GGA3: variants seen among roughly 807,000 people sequenced by gnomAD.
The protein encoded by GGA3 is golgi associated, gamma adaptin ear containing, ARF binding protein 3.
Under a neutral mutation model 77.5 loss-of-function variants are expected in GGA3, and 57 were observed. The ratio of observed to expected loss-of-function variants is 0.74; its 90% CI spans 0.59 to 0.92. The LOEUF is 0.92. Among genes scored for constraint, GGA3 ranks in the 40% least tolerant of loss-of-function variants. GGA3 has a pLI of 0.00. For missense variants in GGA3, 970 were observed against 914.9 expected (o/e 1.06, Z -0.78); for synonymous variants, 416 against 383.7 (o/e 1.08, Z -0.98).
At chr17:75,239,692 G>A in intron 13 of GGA3, 97 bp downstream of exon 13, 13 of 1,454,338 alleles carry the variant, frequency 8.9e-6, no homozygotes, top group African/African-American at 1.4e-5. Context: ...CCTGACTGAT[G>A]GGACTACAAG....
intron 11 of GGA3, 142 bp from the exon 12 acceptor site, chr17:75,240,554 G>T: frequency 1.5e-6 from 1 of 673,240 alleles, no homozygotes; most frequent in Non-Finnish European, 2.6e-6. Flanking sequence ...GCAGCCTCCA[G>T]AGGGGAATGG....
intron 15 of GGA3, 69 bp downstream of exon 15, chr17:75,238,845 C>T (rs2076415871): frequency 1.3e-6 from 2 of 1,583,352 alleles, no homozygotes; most frequent in South Asian, 2.3e-5. Context: ...CTGCCACCTG[C>T]TGGCTGCAAA....
intron 1 of GGA3, among the ~76,000 whole-genome samples, chr17:75,249,272 G>A (rs2076878643): frequency 6.6e-6 from 1 of 152,084 alleles, no homozygotes; most frequent in African/African-American, 2.4e-5. Flanking sequence ...CTGACCTCAG[G>A]TAAGGAGGTC....
At position 75,241,050 on chromosome 17, in the gene GGA3, A is replaced by T; in HGVS notation, c.954T>A (p.Ser318Arg). 1 of 1,614,010 alleles carries T rather than the reference A, an allele frequency of 6.2e-7. No homozygotes were observed. The highest frequency in any genetic ancestry group is 8.5e-7 in the Non-Finnish European group (1 of 1,179,986). Residue 318 changes from serine (S) to arginine (R), a missense_variant, in exon 11 of 17, where the codon AGT becomes AGA. By Grantham distance (110) the Ser-to-Arg change is moderately radical. Coordinates refer to ENST00000537686, the MANE Select transcript of GGA3 (RefSeq NM_138619.4). ...TLTLPDSEGN[S>R]QCSNQGTLID... ...TGAGCGTGCCTTGGTTACTGCACTG[A>T]CTGTTTCCTGGATGGGTCAACAGAG...
Position 75,246,557 on chromosome 17 carries a change from G to A in GGA3, c.153C>T (p.Ala51=). The A allele has an allele frequency of 6.2e-7, 1 of 1,613,936 alleles. No homozygotes were observed. The highest frequency in any genetic ancestry group is 8.5e-7 in the Non-Finnish European group (1 of 1,179,798). Residue 51 remains alanine, a synonymous_variant, in exon 3 of 17, where the codon GCC becomes GCT. Transcript: ENST00000537686. ...ATTCCTGTGGGGACTGGATCTTGTG[G>A]GCCAGCAGTCGGACGGCGATCTGTG... The part of the protein sequence containing the change: ...EGPQIAVRLL[A]HKIQSPQEWE...
At chr17:75,262,190 C>T (rs2077412085), upstream of GGA3, 5 of 685,812 alleles carry the variant, frequency 7.3e-6, no homozygotes, top group South Asian at 7.7e-5. Context: ...AGGGTTCTAA[C>T]GCGGAGCTGA....
In GGA3 at chr17:75,242,910, A is replaced by T; in HGVS notation, c.530T>A (p.Leu177His). 1 of 1,612,912 alleles carries T rather than the reference A, an allele frequency of 6.2e-7. No individual in the cohort carries two copies. The highest frequency in any genetic ancestry group is 8.5e-7 in the Non-Finnish European group (1 of 1,178,870). The change falls in exon 7 of 17, where the codon CTT becomes CAT. Residue 177 changes from leucine (L) to histidine (H), a missense_variant and splice_region_variant. Coordinates refer to ENST00000537686, the MANE Select transcript of GGA3 (RefSeq NM_138619.4). ...TTTGCTTTTCAGCAGCTTGGCTAAAAGCTGAGAGAGGAGGAAATCAGAGGT... is the reference window on the plus strand; with the variant it reads ...TTTGCTTTTCAGCAGCTTGGCTAAATGCTGAGAGAGGAGGAAATCAGAGGT... ...PVFDDEEKSK[L>H]LAKLLKSKNP...
At position 75,243,152 on chromosome 17, in the gene GGA3, C is replaced by T. The variant is rs1426726556; in HGVS notation, c.439G>A (p.Asp147Asn). ...MLKRQGIVQS[D>N]PPIPVDRTLI... Reference sequence around the variant, plus strand: ...GTCCTATCCACAGGAATTGGTGGGTCAGACTGCACTATGCCTGAAAGGGGA... The same window carrying T: ...GTCCTATCCACAGGAATTGGTGGGTTAGACTGCACTATGCCTGAAAGGGGA... Residue 147 changes from aspartate to asparagine, a missense_variant, in exon 6 of 17, where the codon GAC (aspartate) becomes AAC (asparagine). Coordinates refer to ENST00000537686, the MANE Select transcript of GGA3 (RefSeq NM_138619.4). 2 of 1,609,680 alleles carry T rather than the reference C, an allele frequency of 1.2e-6. No individual in the cohort carries two copies. The highest frequency in any genetic ancestry group is 1.3e-5 in the African/African-American group (1 of 74,628).
At chr17:75,245,258 G>T (rs1173744438) in intron 3 of GGA3, among the ~76,000 whole-genome samples, 1 of 152,186 alleles carries the variant, frequency 6.6e-6, no homozygotes, top group Non-Finnish European at 1.5e-5. Context: ...CGGTTTCTAA[G>T]GGGGAGTGCA....
chr17:75,241,098 C>T (rs144855213), intron 10 of GGA3, 41 bp from the exon 11 acceptor site: 5 of 1,612,040 alleles, frequency 3.1e-6, no homozygotes, highest in Non-Finnish European at 4.2e-6. Flanking sequence ...AATTAGGGGT[C>T]TTCTAGTGGC....
At chr17:75,242,939 G>A in intron 6 of GGA3, 28 bp from the exon 7 acceptor site, 1 of 1,588,338 alleles carries the variant, frequency 6.3e-7, no homozygotes, top group South Asian at 1.1e-5. Context: ...CAGAGGTGAA[G>A]GGAAGAGGCA....
upstream of GGA3, chr17:75,262,039 A>G: frequency 6.9e-6 from 11 of 1,586,318 alleles, no homozygotes; most frequent in Non-Finnish European, 9.4e-6. Flanking sequence ...AGGGGGCCAC[A>G]GGCAGGCCGC....
intron 1 of GGA3, among the ~76,000 whole-genome samples, chr17:75,250,091 G>T (rs1027073183): frequency 6.6e-6 from 1 of 152,168 alleles, no homozygotes; most frequent in Admixed American, 6.5e-5. Flanking sequence ...CCACAGGAAC[G>T]GGAAGGAACC....
intron 1 of GGA3, among the ~76,000 whole-genome samples, chr17:75,248,188 G>A (rs920657037): frequency 9.9e-5 from 15 of 151,810 alleles, no homozygotes; most frequent in African/African-American, 2.7e-4. Flanking sequence ...CACCAGCTAC[G>A]GGGCCGGGCG....
chr17:75,241,549 T>A (rs2076559105), intron 9 of GGA3, 33 bp from the exon 10 acceptor site: 1 of 1,599,792 alleles, frequency 6.3e-7, no homozygotes, highest in Non-Finnish European at 8.6e-7. Flanking sequence ...CTCACTCCTG[T>A]TGTGACAGTT....
chr17:75,237,431 G>A lies in GGA3; in HGVS notation c.*848C>T. 6.7e-7 allele frequency: 1 copy of A among 1,484,062 alleles called. No homozygotes were observed. Among genetic ancestry groups the A allele is most frequent in the Non-Finnish European group, 9.1e-7 (1 of 1,099,272 alleles). 91.9% of individuals were successfully genotyped at this position (1,484,062 alleles called of 1,614,324 possible). ...TGTAGAGTGGCGGTAGATTCCAAGG[G>A]GAGGATAGCAGTTTATTTCATGCCA... On this transcript the variant is annotated 3_prime_UTR_variant, in exon 17 of 17. Transcript: ENST00000537686.
intron 1 of GGA3, among the ~76,000 whole-genome samples, chr17:75,255,767 A>G (rs568287756): frequency 6.6e-6 from 1 of 152,216 alleles, no homozygotes; most frequent in Non-Finnish European, 1.5e-5. Context: ...CAAACCATAT[A>G]CTCTCCTATC....
At chr17:75,259,883 C>T (rs1439788286) in intron 1 of GGA3, among the ~76,000 whole-genome samples, 1 of 152,142 alleles carries the variant, frequency 6.6e-6, no homozygotes, top group African/African-American at 2.4e-5. Context: ...GGTGCGGTAG[C>T]TCACGTGTGT....
intron 1 of GGA3, among the ~76,000 whole-genome samples, chr17:75,254,696 G>A (rs954179935): frequency 7.9e-5 from 12 of 152,154 alleles, no homozygotes; most frequent in South Asian, 2.1e-4. Flanking sequence ...ATAGAGTAGA[G>A]GCAGCCAAGT....
Sources: allele counts gnomAD v4.1 joint callset (sites outside exome capture counted in the v4.1 genomes callset), GRCh38; gene constraint gnomAD v4.1.1; transcripts MANE v1.5; gene names NCBI Gene and HGNC (gene_info 2026-07-23, HGNC 2026-07-21).